Variants in CWF19L2 observed in about 807,000 individuals in gnomAD.
CWF19L2 encodes CWF19 like cell cycle control factor 2.
A neutral mutation model predicts 111.7 loss-of-function variants in CWF19L2; 98 were observed. The observed-to-expected ratio is 0.88, with a 90% CI of 0.75 to 1.04. The LOEUF (loss-of-function observed/expected upper bound fraction) is 1.04, where lower values mean the gene tolerates loss of function less well. CWF19L2 is among the 50% of genes least tolerant of loss of function. The pLI, the probability that CWF19L2 is intolerant of heterozygous loss-of-function variation, is 0.00. For synonymous variants in CWF19L2, 351 were observed against 342.9 expected (o/e 1.02, Z -0.26); for missense variants, 1,101 against 1,051.4 (o/e 1.05, Z -0.65).
intron 12 of CWF19L2, among the ~76,000 whole-genome samples, chr11:107,362,080 C>T (rs192720002): frequency 3.3e-5 from 5 of 152,102 alleles, no homozygotes; most frequent in Admixed American, 1.3e-4. Flanking sequence ...CCTGGAAAAT[C>T]GAGTCACTCC....
chr11:107,370,562 C>A lies in CWF19L2; in HGVS notation c.1873-16826G>T, dbSNP rs200480457. Among the ~76,000 whole-genome samples the A allele has an allele frequency of 4.0e-4, 43 of 107,920 alleles. 3 individuals are homozygous for A. The highest frequency in any genetic ancestry group is 1.3e-3 in the African/African-American group (34 of 25,276). The allele number at this position is 107,920 out of a possible 152,430, so 70.8% of individuals were successfully genotyped here. A position where few individuals can be genotyped will look rare whatever the true frequency, so the allele number is the denominator to read the frequency against. On this transcript the variant is annotated intron_variant, in intron 12 of 17. Coordinates refer to ENST00000282251, the MANE Select transcript of CWF19L2 (RefSeq NM_152434.3). ...GTTTCTTCAAGGGAAAAAAAAAAAA[C>A]AACTGCATGGCCTGGGAAAAGAGAA...
chr11:107,379,854 T>C (rs986837484), intron 12 of CWF19L2, among the ~76,000 whole-genome samples: 12 of 151,810 alleles, frequency 7.9e-5, no homozygotes, highest in Non-Finnish European at 1.5e-4. Flanking sequence ...GCTCAGGAGA[T>C]TGAGACCATC....
intron 8 of CWF19L2, among the ~76,000 whole-genome samples, chr11:107,426,015 T>C (rs1861370746): frequency 6.6e-6 from 1 of 151,780 alleles, no homozygotes; most frequent in Non-Finnish European, 1.5e-5. Flanking sequence ...GCAGTGGACG[T>C]TTTTCTGCTA....
intron 12 of CWF19L2, among the ~76,000 whole-genome samples, chr11:107,383,275 T>C (rs1282617887): frequency 3.3e-5 from 5 of 152,078 alleles, no homozygotes; most frequent in Admixed American, 6.5e-5. Context: ...ACTTGGGGAC[T>C]GAGACCCCAA....
chr11:107,363,197 T>C (rs1860383904), intron 12 of CWF19L2, among the ~76,000 whole-genome samples: 3 of 152,158 alleles, frequency 2.0e-5, no homozygotes, highest in Admixed American at 6.5e-5. Context: ...CTACGTCGGA[T>C]TGGTGTACCT....
intron 14 of CWF19L2, among the ~76,000 whole-genome samples, chr11:107,338,315 G>C (rs1478662891): frequency 2.0e-5 from 3 of 151,974 alleles, no homozygotes; most frequent in African/African-American, 7.3e-5. Context: ...TCCCCTTAAT[G>C]TGTTCCTGAT....
chr11:107,383,049 G>A (rs772916109), intron 12 of CWF19L2, among the ~76,000 whole-genome samples: 6 of 152,222 alleles, frequency 3.9e-5, no homozygotes, highest in Non-Finnish European at 7.3e-5. Context: ...CCCATACCTC[G>A]CCCTACGCGT....
At chr11:107,441,947 C>G (rs1056102875) in intron 4 of CWF19L2, among the ~76,000 whole-genome samples, 2 of 152,184 alleles carry the variant, frequency 1.3e-5, no homozygotes, top group Admixed American at 6.5e-5. Flanking sequence ...CTTCCTTCAC[C>G]TGTGGCTAAC....
At chr11:107,392,921 T>C (rs530855261) in intron 10 of CWF19L2, 26 bp from the exon 11 acceptor site, 16 of 1,309,118 alleles carry the variant, frequency 1.2e-5, no homozygotes, top group Middle Eastern at 1.8e-4. Context: ...GAGATAACTA[T>C]TGAAATTATT....
rs665587 is a variant in CWF19L2, at chr11:107,406,274, T to C, written c.1617+9935A>G. ...TACAAACTTCCAGAGTTCATGATGG[T>C]AGCCTGCAAGTTTGTTATCACTGAA... On this transcript the variant is annotated intron_variant, in intron 10 of 17. Transcript: ENST00000282251. Among the ~76,000 whole-genome samples the C allele has an allele frequency of 5.2e-3, 793 of 152,356 alleles. 6 individuals carry two copies. The highest frequency in any genetic ancestry group is 0.018 in the African/African-American group (745 of 41,584).
intron 13 of CWF19L2, among the ~76,000 whole-genome samples, chr11:107,352,683 T>C (rs563136719): frequency 1.2e-4 from 13 of 110,840 alleles, no homozygotes; most frequent in Non-Finnish European, 2.0e-4. Flanking sequence ...TTGTTAAGTA[T>C]AAAGGAAAAG....
chr11:107,401,298 ATTGT>A (rs1860995705), intron 10 of CWF19L2, among the ~76,000 whole-genome samples: 1 of 152,130 alleles, frequency 6.6e-6, no homozygotes, highest in Non-Finnish European at 1.5e-5. Flanking sequence ...TGACGATATG[ATTGT>A]TTACCTTGAA....
chr11:107,438,487 T>C (rs1302595731), intron 6 of CWF19L2, among the ~76,000 whole-genome samples: 1 of 152,206 alleles, frequency 6.6e-6, no homozygotes, highest in Non-Finnish European at 1.5e-5. Flanking sequence ...ATACTTTTTA[T>C]ATTTTGTTAC....
chr11:107,395,482 T>C (rs1215584248), intron 10 of CWF19L2, among the ~76,000 whole-genome samples: 1 of 152,248 alleles, frequency 6.6e-6, no homozygotes, highest in Non-Finnish European at 1.5e-5. Context: ...TTATTTCATT[T>C]TTCTATGATT....
chr11:107,392,904 A>C lies in CWF19L2; in HGVS notation c.1618-9T>G. The C allele has an allele frequency of 4.2e-6, 6 of 1,443,544 alleles. No homozygotes were observed. The highest frequency in any genetic ancestry group is 5.7e-6 in the Non-Finnish European group (6 of 1,053,850). The allele number at this position is 1,443,544 out of a possible 1,614,324, so 89.4% of individuals were successfully genotyped here. On this transcript the variant is annotated splice_polypyrimidine_tract_variant and intron_variant, in intron 10 of 17. Transcript: ENST00000282251. Reference sequence around the variant, plus strand: ...TCTTGCTGGTCTTCATTCTATAAAAAGATTTAGAGATAACTATTGAAATTA... The same window carrying C: ...TCTTGCTGGTCTTCATTCTATAAAACGATTTAGAGATAACTATTGAAATTA...
chr11:107,383,589 C>T (rs1860724256), intron 12 of CWF19L2, among the ~76,000 whole-genome samples: 1 of 152,040 alleles, frequency 6.6e-6, no homozygotes, highest in Admixed American at 6.5e-5. Context: ...TTCCCCTATA[C>T]AAACACAATT....
intron 10 of CWF19L2, among the ~76,000 whole-genome samples, chr11:107,407,413 T>C (rs1265597336): frequency 6.6e-6 from 1 of 151,502 alleles, no homozygotes; most frequent in Non-Finnish European, 1.5e-5. Flanking sequence ...AAAAAAAAAA[T>C]TCTGGAAACA....
At chr11:107,401,745 T>C (rs116929554) in intron 10 of CWF19L2, among the ~76,000 whole-genome samples, 1,963 of 152,148 alleles carry the variant, frequency 0.013, 24 homozygotes, top group South Asian at 0.037. Flanking sequence ...CTAAAATTCA[T>C]AGAAACTAAA....
Position 107,443,019 on chromosome 11 carries a change from G to A in CWF19L2, c.370C>T (p.Pro124Ser). 2.6e-6 allele frequency: 4 copies of A among 1,551,444 alleles called. No individual in the cohort carries two copies. Among genetic ancestry groups the A allele is most frequent in the Non-Finnish European group, 2.6e-6 (3 of 1,146,496 alleles). ...SSEDEWVEAV[P>S]SQTPDKEKAW... ...TTTTCCTTGTCAGGAGTCTGGGATG[G>A]AACAGCCTCAACCCACTCATCTTCA... is the stretch of plus-strand genomic sequence containing the variant. Residue 124 changes from proline (P) to serine (S), a missense_variant, in exon 4 of 18, where the codon CCA becomes TCA. By Grantham distance (74) the Pro-to-Ser change is moderately conservative. Transcript: ENST00000282251.
Sources: gnomAD v4.1 joint callset for allele counts (sites outside exome capture counted in the v4.1 genomes callset) on GRCh38, gnomAD v4.1.1 for gene constraint, MANE v1.5 for transcripts, NCBI Gene and HGNC (gene_info 2026-07-23, HGNC 2026-07-21) for gene names.